Variants in YEATS2 observed in about 807,000 individuals in gnomAD.
YEATS2 encodes the protein YEATS domain-containing protein 2.
A neutral mutation model predicts 163.2 loss-of-function variants in YEATS2; 77 were observed. That is an observed-to-expected ratio of 0.47 (90% CI 0.39 to 0.57). The LOEUF is 0.57. Among genes scored for constraint, YEATS2 ranks in the 20% least tolerant of loss-of-function variants. The pLI is 0.00. For missense variants in YEATS2, 1,549 were observed against 1,729.8 expected (o/e 0.90, Z 1.85); for synonymous variants, 631 against 645.1 (o/e 0.98, Z 0.33).
intron 25 of YEATS2, chr3:183,802,537 A>ATATATATACACGTATT (rs1560335203): frequency 5.3e-5 from 8 of 151,738 alleles, no homozygotes; most frequent in Admixed American, 3.9e-4. Context: ...ATACACGTGT[A>ATATATATACACGTATT]TATACACACA....
At position 183,772,521 on chromosome 3, in the gene YEATS2, G is replaced by T; in HGVS notation, c.2164G>T (p.Val722Phe). The T allele has an allele frequency of 6.2e-7, 1 of 1,614,112 alleles. No individual in the cohort carries two copies. The highest frequency in any genetic ancestry group is 1.7e-4 in the Middle Eastern group (1 of 6,028). ...AGTGCAGACCTTAACCAAGGCCCAG[G>T]TTACTGCCGCTGGTCCTCAGAAGAG... Reference protein sequence around the residue: ...QPVQTLTKAQVTAAGPQKSGS... With the variant: ...QPVQTLTKAQFTAAGPQKSGS... Residue 722 changes from valine to phenylalanine, a missense_variant, in exon 16 of 31, where the codon GTT becomes TTT. Physicochemically the swap from Val to Phe is conservative, Grantham distance 50. Transcript: ENST00000305135.
At chr3:183,808,205 A>G (rs2108541413) in intron 29 of YEATS2, 101 bp downstream of exon 29, 1 of 958,736 alleles carries the variant, frequency 1.0e-6, no homozygotes, top group African/African-American at 1.7e-5. Flanking sequence ...AACAGGCTTT[A>G]AAATGTCTCG....
intron 8 of YEATS2, among the ~76,000 whole-genome samples, chr3:183,744,065 A>G (rs988184749): frequency 8.9e-5 from 13 of 146,734 alleles, no homozygotes; most frequent in Admixed American, 7.5e-4. Flanking sequence ...GGGGCAGAGT[A>G]CTGTCCTGTT....
chr3:183,781,933 C>A (rs1577181498), intron 19 of YEATS2, among the ~76,000 whole-genome samples: 1 of 151,848 alleles, frequency 6.6e-6, no homozygotes, highest in Admixed American at 6.6e-5. Flanking sequence ...TTTCTATCAC[C>A]ATTTTTCTGT....
rs932998256 is a variant in YEATS2, at chr3:183,810,674, G to A, written c.*91G>A. 8.2e-7 allele frequency: 1 copy of A among 1,212,660 alleles called. No homozygotes were observed. Among genetic ancestry groups the A allele is most frequent in the Non-Finnish European group, 1.2e-6 (1 of 838,208 alleles). The allele number at this position is 1,212,660 out of a possible 1,614,324, so 75.1% of individuals were successfully genotyped here. ...CTGCTCGGGAAGGAGGTGGTTTCCAGTGTGACTCGGCATGTCATGGCTACC... is the reference window on the plus strand; with the variant it reads ...CTGCTCGGGAAGGAGGTGGTTTCCAATGTGACTCGGCATGTCATGGCTACC... On this transcript the variant is annotated 3_prime_UTR_variant, in exon 31 of 31. Transcript: ENST00000305135.
Position 183,811,162 on chromosome 3 carries a change from A to C in YEATS2, c.*579A>C, listed in dbSNP as rs1726763538. The C allele has an allele frequency of 6.5e-6, 1 of 153,262 alleles. No homozygotes were observed. The highest frequency in any genetic ancestry group is 6.5e-5 in the Admixed American group (1 of 15,410). 9.5% of individuals were successfully genotyped at this position (153,262 alleles called of 1,614,324 possible). On this transcript the variant is annotated 3_prime_UTR_variant, in exon 31 of 31. Transcript: ENST00000305135. ...GAACCATGAAGGCCTGAGAGACGGC[A>C]GACTGAGCAGAATTCCTTTTTTGAG...
At chr3:183,730,419 A>G (rs1051721361) in intron 7 of YEATS2, among the ~76,000 whole-genome samples, 4 of 151,754 alleles carry the variant, frequency 2.6e-5, no homozygotes, top group Non-Finnish European at 4.4e-5. Context: ...TATCAGTGAA[A>G]TCTCTATTCT....
At chr3:183,729,937 GC>G (rs1367137147) in intron 7 of YEATS2, among the ~76,000 whole-genome samples, 1 of 151,048 alleles carries the variant, frequency 6.6e-6, no homozygotes. Flanking sequence ...TGATCTGCCC[GC>G]CTTGGCCACC....
chr3:183,728,386 G>T (rs1383292943), intron 6 of YEATS2, among the ~76,000 whole-genome samples: 1 of 152,160 alleles, frequency 6.6e-6, no homozygotes, highest in Non-Finnish European at 1.5e-5. Flanking sequence ...ATGGTGATGG[G>T]GTCTTGCTAT....
At chr3:183,714,196 G>A (rs956449158) in intron 1 of YEATS2, among the ~76,000 whole-genome samples, 1 of 149,440 alleles carries the variant, frequency 6.7e-6, no homozygotes, top group Non-Finnish European at 1.5e-5. Flanking sequence ...GGATTTATGG[G>A]ATTTTTTTTT....
At chr3:183,725,299 G>A (rs1716968701) in intron 6 of YEATS2, among the ~76,000 whole-genome samples, 1 of 152,000 alleles carries the variant, frequency 6.6e-6, no homozygotes, top group Non-Finnish European at 1.5e-5. Flanking sequence ...TAATTGTTAG[G>A]TATTTGAAAG....
intron 19 of YEATS2, among the ~76,000 whole-genome samples, chr3:183,779,846 C>T (rs1207644344): frequency 4.6e-5 from 7 of 151,770 alleles, no homozygotes; most frequent in African/African-American, 1.2e-4. Flanking sequence ...TACAGGTGCC[C>T]GCCACCATGT....
rs776363496 is a variant in YEATS2 at position 183,811,487 on chromosome 3, A to G, written c.*904A>G. 8.1e-4 allele frequency: 124 copies of G among 152,560 alleles called. No homozygotes were observed. The highest frequency in any genetic ancestry group is 7.9e-4 in the Non-Finnish European group (54 of 68,058). 9.5% of individuals were successfully genotyped at this position (152,560 alleles called of 1,614,324 possible). A position where few individuals can be genotyped will look rare whatever the true frequency, so the allele number is the denominator to read the frequency against. On this transcript the variant is annotated 3_prime_UTR_variant, in exon 31 of 31. Transcript: ENST00000305135. ...CTGGGGTCGTCTGTCCTATCCGTGGATTGTATATACTCTTCTCTGTTAAGG... is the reference window on the plus strand; with the variant it reads ...CTGGGGTCGTCTGTCCTATCCGTGGGTTGTATATACTCTTCTCTGTTAAGG...
chr3:183,747,968 CAG>C (rs1239224593), intron 9 of YEATS2, among the ~76,000 whole-genome samples: 1 of 151,720 alleles, frequency 6.6e-6, no homozygotes, highest in Non-Finnish European at 1.5e-5. Context: ...TTAGTAGAGA[CAG>C]GGTTTCACAG....
At chr3:183,707,082 A>G (rs1410535322) in intron 1 of YEATS2, among the ~76,000 whole-genome samples, 2 of 152,244 alleles carry the variant, frequency 1.3e-5, no homozygotes, top group African/African-American at 2.4e-5. Context: ...GTTCCTTCCC[A>G]AAGATATCTT....
Position 183,779,479 on chromosome 3 carries a change from G to A in YEATS2, c.2736+1779G>A, listed in dbSNP as rs116080853. 9.2e-3 allele frequency among the ~76,000 whole-genome samples: 1,405 copies of A among 152,254 alleles called. 17 individuals carry two copies. The highest frequency in any genetic ancestry group is 0.032 in the African/African-American group (1,323 of 41,552). On this transcript the variant is annotated intron_variant, in intron 19 of 30. Transcript: ENST00000305135. Reference sequence around the variant, plus strand: ...TTCCTGTTGCCCCTCCCTCCTTGCAGGGACTGGCTATCTTTAATCTTCAGG... The same window carrying A: ...TTCCTGTTGCCCCTCCCTCCTTGCAAGGACTGGCTATCTTTAATCTTCAGG...
intron 20 of YEATS2, among the ~76,000 whole-genome samples, chr3:183,789,247 C>T (rs1463147614): frequency 6.6e-6 from 1 of 152,042 alleles, no homozygotes; most frequent in African/African-American, 2.4e-5. Flanking sequence ...GTAGTAGTTT[C>T]GTAGTTTGAT....
intron 8 of YEATS2, among the ~76,000 whole-genome samples, chr3:183,740,292 A>T (rs1718810162): frequency 1.3e-5 from 2 of 152,198 alleles, no homozygotes; most frequent in African/African-American, 4.8e-5. Flanking sequence ...AAGTGGGCGA[A>T]GGACATGAAC....
At chr3:183,698,440 G>A (rs1713716013) in intron 1 of YEATS2, among the ~76,000 whole-genome samples, 1 of 152,160 alleles carries the variant, frequency 6.6e-6, no homozygotes, top group Non-Finnish European at 1.5e-5. Context: ...GAGAGGCTTT[G>A]GGGGTCCAGG....
Sources: allele counts gnomAD v4.1 joint callset (sites outside exome capture counted in the v4.1 genomes callset), GRCh38; gene constraint gnomAD v4.1.1; transcripts MANE v1.5; gene names NCBI Gene and HGNC (gene_info 2026-07-23, HGNC 2026-07-21).